DSG1: variants seen among roughly 807,000 people sequenced by gnomAD.
The protein encoded by DSG1 is desmoglein 1.
Under a neutral mutation model 97.5 loss-of-function variants are expected in DSG1, and 39 were observed. The observed-to-expected ratio is 0.40, with a 90% CI of 0.31 to 0.52. DSG1 has a LOEUF of 0.52. DSG1 is among the 20% of genes least tolerant of loss of function. The pLI, the probability that DSG1 is intolerant of heterozygous loss-of-function variation, is 0.53. For synonymous variants in DSG1, 475 were observed against 443.4 expected (o/e 1.07, Z -0.90); for missense variants, 1,311 against 1,295.4 (o/e 1.01, Z -0.18).
rs768964686 is a variant in DSG1, at chr18:31,328,220, T to A, written c.248T>A (p.Val83Asp). The A allele has an allele frequency of 4.3e-6, 7 of 1,613,524 alleles. No homozygotes were observed. Among genetic ancestry groups the A allele is most frequent in the South Asian group, 1.1e-5 (1 of 91,078 alleles). The change falls in exon 4 of 15, where the codon GTT (valine) becomes GAT (aspartate). Residue 83 changes from valine (V) to aspartate (D), a missense_variant. This residue lies in a region of DSG1 where 259 missense variants were observed against 304.1 expected (regional missense o/e 0.85). Transcript: ENST00000257192. ...TCAGATTGTGCTGCAAACCAGCAAG[T>A]TACATACCGCATCTCTGGAGTAGGA... ...IHSDCAANQQ[V>D]TYRISGVGID...
chr18:31,322,845 C>A (rs1166001531), intron 1 of DSG1, among the ~76,000 whole-genome samples: 1 of 151,984 alleles, frequency 6.6e-6, no homozygotes, highest in Non-Finnish European at 1.5e-5. Flanking sequence ...ACTCTCAAAC[C>A]CATTTTTATT....
At position 31,358,423 on chromosome 18, in the gene DSG1, A is replaced by G. The variant is rs1464746944; in HGVS notation, c.*3077A>G. Among the ~76,000 whole-genome samples, 1 of 152,086 alleles carries G rather than the reference A, an allele frequency of 6.6e-6. No homozygotes were observed. Among genetic ancestry groups the G allele is most frequent in the Admixed American group, 6.5e-5 (1 of 15,270 alleles). On this transcript the variant is annotated 3_prime_UTR_variant, in exon 15 of 15. Coordinates refer to ENST00000257192, the MANE Select transcript of DSG1 (RefSeq NM_001942.4). ...TAGGGTTATTTATATATCTTCATCTAGACATCTGTTCTACATTTGTGTATA... is the reference window on the plus strand; with the variant it reads ...TAGGGTTATTTATATATCTTCATCTGGACATCTGTTCTACATTTGTGTATA...
chr18:31,354,643 C>G lies in DSG1; in HGVS notation c.2447C>G (p.Ser816Trp), dbSNP rs372724391. 9.9e-6 allele frequency: 16 copies of G among 1,614,014 alleles called. No individual in the cohort carries two copies. The African/African-American group carries it at 1.9e-4, about 19-fold the overall frequency. The part of the protein sequence containing the change: ...TTVISESTYP[S>W]GPGVLHPKPI... The stretch of plus-strand genomic sequence containing the variant: ...GTAATTTCTGAGAGCACCTATCCCT[C>G]GGGACCTGGTGTACTGCATCCTAAG... Residue 816 changes from serine to tryptophan, a missense_variant, in exon 15 of 15, where the codon TCG becomes TGG. By Grantham distance (177) the Ser-to-Trp change is radical (BLOSUM62 -3). Transcript: ENST00000257192.
At chr18:31,340,413 C>T (rs1344940436) in intron 11 of DSG1, among the ~76,000 whole-genome samples, 2 of 151,756 alleles carry the variant, frequency 1.3e-5, no homozygotes, top group Non-Finnish European at 2.9e-5. Flanking sequence ...TCAAGACCAG[C>T]CTGGCCAATA....
In DSG1 at chr18:31,333,685, G is replaced by C; in HGVS notation, c.781G>C (p.Asp261His). The change falls in exon 7 of 15, where the codon GAT becomes CAT. Residue 261 changes from aspartate to histidine, a missense_variant. This residue lies in a region of DSG1 where 14 missense variants were observed against 26.7 expected (regional missense o/e 0.52). Transcript: ENST00000257192. The part of the protein sequence containing the change: ...AECECNIKIL[D>H]VNDNIPYMEQ... Reference sequence around the variant, plus strand: ...ATGTGAGTGCAACATTAAAATCCTCGATGTCAATGATAATATCCCTTACAT... The same window carrying C: ...ATGTGAGTGCAACATTAAAATCCTCCATGTCAATGATAATATCCCTTACAT... 1 of 1,613,680 alleles carries C rather than the reference G, an allele frequency of 6.2e-7. No individual in the cohort carries two copies. Among genetic ancestry groups the C allele is most frequent in the Non-Finnish European group, 8.5e-7 (1 of 1,179,704 alleles).
At chr18:31,321,226 T>C (rs1312562941) in intron 1 of DSG1, among the ~76,000 whole-genome samples, 1 of 152,050 alleles carries the variant, frequency 6.6e-6, no homozygotes, top group Non-Finnish European at 1.5e-5. Flanking sequence ...CAGGCTAAAA[T>C]ACACAGAAAA....
chr18:31,328,241 T>G lies in DSG1; in HGVS notation c.269T>G (p.Val90Gly), dbSNP rs1420834702. ...NQQVTYRISG[V>G]GIDQPPYGIF... Reference sequence around the variant, plus strand: ...CAAGTTACATACCGCATCTCTGGAGTAGGAATTGATCAGCCACCATATGGG... The same window carrying G: ...CAAGTTACATACCGCATCTCTGGAGGAGGAATTGATCAGCCACCATATGGG... The change falls in exon 4 of 15, where the codon GTA becomes GGA. Residue 90 changes from valine to glycine, a missense_variant. Coordinates refer to ENST00000257192, the MANE Select transcript of DSG1 (RefSeq NM_001942.4). The G allele has an allele frequency of 1.2e-6, 2 of 1,613,542 alleles. No homozygotes were observed. Among genetic ancestry groups the G allele is most frequent in the African/African-American group, 2.7e-5 (2 of 74,994 alleles).
intron 12 of DSG1, 97 bp downstream of exon 12, chr18:31,343,680 G>GTT: frequency 6.4e-7 from 1 of 1,560,904 alleles, no homozygotes; most frequent in Non-Finnish European, 8.8e-7. Flanking sequence ...AGTCTATGCT[G>GTT]TTTTTTGTGC....
At chr18:31,339,612 T>C in intron 10 of DSG1, 132 bp from the exon 11 acceptor site, 1 of 611,292 alleles carries the variant, frequency 1.6e-6, no homozygotes. Context: ...CAAGGGATGA[T>C]TTTCAAGTTA....
intron 10 of DSG1, among the ~76,000 whole-genome samples, chr18:31,339,288 A>G (rs1196098096): frequency 6.6e-6 from 1 of 151,772 alleles, no homozygotes; most frequent in African/African-American, 2.4e-5. Context: ...AGTTTAAAGT[A>G]AAAAAAATGG....
rs1317843849 is a variant in DSG1, at chr18:31,345,959, A to C, written c.1892-31A>C. 4 of 1,585,404 alleles carry C rather than the reference A, an allele frequency of 2.5e-6. No homozygotes were observed. The African/African-American group carries it at 4.1e-5, about 16-fold the overall frequency. On this transcript the variant is annotated intron_variant, in intron 13 of 14. Transcript: ENST00000257192. ...CTTTTTAGTTTATGATAGACTAAAG[A>C]AAATAAATTTAATTTGATCAACACT...
At position 31,355,720 on chromosome 18, in the gene DSG1, T is replaced by C. The variant is rs2071951040; in HGVS notation, c.*374T>C. 1 of 246,262 alleles carries C rather than the reference T, an allele frequency of 4.1e-6. No homozygotes were observed. Among genetic ancestry groups the C allele is most frequent in the Admixed American group, 4.9e-5 (1 of 20,610 alleles). 15.3% of individuals were successfully genotyped at this position (246,262 alleles called of 1,614,324 possible). ...AATTCAAAAAGAACTAAATATGCAA[T>C]ATATGTTCATATCTATGGGAAAAAT... On this transcript the variant is annotated 3_prime_UTR_variant, in exon 15 of 15. Coordinates refer to ENST00000257192, the MANE Select transcript of DSG1 (RefSeq NM_001942.4).
intron 9 of DSG1, 79 bp downstream of exon 9, chr18:31,336,692 C>T (rs897755244): frequency 1.4e-6 from 2 of 1,400,154 alleles, no homozygotes; most frequent in African/African-American, 2.9e-5. Flanking sequence ...TTATAAGTAT[C>T]TGAGTTAAAA....
intron 1 of DSG1, among the ~76,000 whole-genome samples, chr18:31,322,685 T>C (rs2071661545): frequency 6.6e-6 from 1 of 152,204 alleles, no homozygotes; most frequent in Non-Finnish European, 1.5e-5. Flanking sequence ...ATCCTTGCGA[T>C]GTATATAAAA....
intron 2 of DSG1, 26 bp downstream of exon 2, chr18:31,326,642 C>A: frequency 6.3e-7 from 1 of 1,577,752 alleles, no homozygotes; most frequent in African/African-American, 1.3e-5. Flanking sequence ...TCCATTTTTC[C>A]AAATTTTTAA....
intron 14 of DSG1, chr18:31,353,943 C>T (rs901647626): frequency 3.7e-4 from 107 of 286,040 alleles, no homozygotes; most frequent in African/African-American, 4.9e-4. Flanking sequence ...GCGTCGCTCA[C>T]GCTGGGAGCT....
chr18:31,334,276 G>A (rs1222808296), intron 8 of DSG1, 74 bp downstream of exon 8: 1 of 1,098,418 alleles, frequency 9.1e-7, no homozygotes, highest in Non-Finnish European at 1.4e-6. Flanking sequence ...ATAAAATGAT[G>A]CTAACATTTC....
intron 9 of DSG1, 100 bp from the exon 10 acceptor site, chr18:31,338,215 G>C (rs1012397410): frequency 3.2e-6 from 4 of 1,252,138 alleles, no homozygotes; most frequent in Admixed American, 4.0e-5. Flanking sequence ...ACTGTATCTA[G>C]GGATTATAAT....
At chr18:31,331,631 A>G in intron 5 of DSG1, 70 bp from the exon 6 acceptor site, 1 of 1,447,882 alleles carries the variant, frequency 6.9e-7, no homozygotes, top group Non-Finnish European at 9.6e-7. Context: ...ACTTTTTTGG[A>G]AAGGTGATAT....
Sources: allele counts gnomAD v4.1 joint callset (sites outside exome capture counted in the v4.1 genomes callset), GRCh38; gene constraint gnomAD v4.1.1; regional missense constraint gnomAD v4.1.1; transcripts MANE v1.5; gene names NCBI Gene and HGNC (gene_info 2026-07-23, HGNC 2026-07-21).